The following SLC36A2 variants were observed in gnomAD, a reference collection of about 807,000 sequenced individuals.
SLC36A2 encodes the protein proton-coupled amino acid transporter 2.
In SLC36A2, 39 loss-of-function variants were observed where a neutral mutation model predicts 42.7. The ratio of observed to expected loss-of-function variants is 0.91; its 90% confidence interval spans 0.71 to 1.19. The LOEUF is 1.19. SLC36A2 is among the 50% of genes most tolerant of loss of function. The pLI, the probability that SLC36A2 is intolerant of heterozygous loss-of-function variation, is 0.00. For missense variants in SLC36A2, 590 were observed against 613.7 expected, an observed-to-expected ratio of 0.96 and a Z score of 0.41; for synonymous variants, 237 against 240.8, an observed-to-expected ratio of 0.98 and a Z score of 0.15.
At chr5:151,328,364 G>C (rs1034951978) in intron 7 of SLC36A2, among the ~76,000 whole-genome samples, 2 of 152,210 alleles carry the variant, frequency 1.3e-5, no homozygotes, top group African/African-American at 4.8e-5. Flanking sequence ...TGAGTTTCCT[G>C]ATTTTCTTCT....
At chr5:151,339,664 G>A (rs2127296876) in intron 4 of SLC36A2, among the ~76,000 whole-genome samples, 1 of 152,338 alleles carries the variant, frequency 6.6e-6, no homozygotes, top group South Asian at 2.1e-4. Context: ...TCTCAGCTCA[G>A]CAAGTGGTAA....
chr5:151,317,470 AT>A (rs1232978877), intron 9 of SLC36A2, among the ~76,000 whole-genome samples: 1 of 151,118 alleles, frequency 6.6e-6, no homozygotes, highest in African/African-American at 2.5e-5. Flanking sequence ...AAAAAAAAAA[AT>A]CCTCTTCTTA....
intron 8 of SLC36A2, 112 bp from the exon 9 acceptor site, chr5:151,322,327 T>C: frequency 1.5e-6 from 2 of 1,297,240 alleles, no homozygotes; most frequent in Non-Finnish European, 2.2e-6. Flanking sequence ...TGTTTCCCTT[T>C]CTGAAAATGA....
chr5:151,336,904 A>C (rs144504521), intron 5 of SLC36A2, among the ~76,000 whole-genome samples: 48 of 152,268 alleles, frequency 3.2e-4, no homozygotes, highest in African/African-American at 8.9e-4. Context: ...CTTGGAGGAT[A>C]CTCATCTATA....
chr5:151,317,413 C>T (rs1040110020), intron 9 of SLC36A2, among the ~76,000 whole-genome samples: 14 of 149,808 alleles, frequency 9.3e-5, no homozygotes, highest in African/African-American at 3.2e-4. Flanking sequence ...GATCACGCCA[C>T]TGCACTCCAG....
chr5:151,315,961 C>G lies in SLC36A2; in HGVS notation c.*856G>C, dbSNP rs949659369. On this transcript the variant is annotated 3_prime_UTR_variant, in exon 10 of 10. Transcript: ENST00000335244. The stretch of plus-strand genomic sequence containing the variant: ...TCTAATCGTTTGAAATGTTTGTTGC[C>G]CCTCATTTAATATGCATGGCTCCTT... 2.0e-5 allele frequency: 3 copies of G among 152,108 alleles called. No homozygotes were observed. The highest frequency in any genetic ancestry group is 7.2e-5 in the African/African-American group (3 of 41,384). The allele number at this position is 152,108 out of a possible 1,614,324, so 9.4% of individuals were successfully genotyped here.
At chr5:151,345,321 A>C (rs1175219195) in intron 1 of SLC36A2, among the ~76,000 whole-genome samples, 1 of 152,184 alleles carries the variant, frequency 6.6e-6, no homozygotes, top group African/African-American at 2.4e-5. Context: ...GGATTTGACA[A>C]ACCAGGGATT....
At chr5:151,323,254 G>GATAGATAAATAA (rs112317176) in intron 8 of SLC36A2, among the ~76,000 whole-genome samples, 36 of 141,478 alleles carry the variant, frequency 2.5e-4, no homozygotes, top group Non-Finnish European at 3.6e-4. Context: ...TAGATAGATA[G>GATAGATAAATAA]ATAAATAAAT....
rs756750299 is a variant in SLC36A2, at chr5:151,322,136, T to A, written c.1090A>T (p.Ile364Phe). Residue 364 changes from isoleucine (I) to phenylalanine (F), a missense_variant, in exon 9 of 10, where the codon ATC becomes TTC. Transcript: ENST00000335244. ...CGGGAGATGGCAAAGGGGATGATGA[T>A]TTCTGCAGGGACGTAGAACTGCAGG... ...YALQFYVPAE[I>F]IIPFAISRVS... is the part of the protein sequence containing the mutation. 5.0e-6 allele frequency: 8 copies of A among 1,614,034 alleles called. No homozygotes were observed. The highest frequency in any genetic ancestry group is 4.2e-6 in the Non-Finnish European group (5 of 1,180,032).
chr5:151,325,053 T>C (rs1755812152), intron 8 of SLC36A2: 4 of 584,326 alleles, frequency 6.8e-6, no homozygotes, highest in South Asian at 5.5e-5. Context: ...TCTTCTTAAG[T>C]CATGTCCTCC....
chr5:151,338,782 C>T (rs1019626602), intron 5 of SLC36A2: 1 of 328,974 alleles, frequency 3.0e-6, no homozygotes. Flanking sequence ...AGCTTCAAGG[C>T]AGGAGGATTA....
At chr5:151,343,039 T>C (rs1756392373) in intron 3 of SLC36A2, 56 bp from the exon 4 acceptor site, 14 of 1,402,834 alleles carry the variant, frequency 1.0e-5, no homozygotes, top group Non-Finnish European at 1.3e-5. Context: ...TAAACTCACA[T>C]GGTCAAAAGT....
chr5:151,319,229 G>T (rs1287387816), intron 9 of SLC36A2: 2 of 566,518 alleles, frequency 3.5e-6, no homozygotes, highest in Admixed American at 1.3e-4. Flanking sequence ...AATGCATGAA[G>T]AAGTGTAGTG....
Position 151,339,137 on chromosome 5 carries a change from C to T in SLC36A2, c.448G>A (p.Val150Met), listed in dbSNP as rs766388628. 2.1e-5 allele frequency: 34 copies of T among 1,606,048 alleles called. No homozygotes were observed. The highest frequency in any genetic ancestry group is 1.7e-4 in the Middle Eastern group (1 of 6,046). The change falls in exon 5 of 10, where the codon GTG becomes ATG. Residue 150 changes from valine to methionine, a missense_variant. Val to Met is a conservative substitution (Grantham distance 21). Coordinates refer to ENST00000335244, the MANE Select transcript of SLC36A2 (RefSeq NM_181776.3). ...TGGGTGATAATAAGGAAGAAGCTCA[C>T]GATATGCCTAGAAGGGAGAAGAGAG... ...QNHAHWGRHIVSFFLIITQLG... is the reference protein window; with the variant it reads ...QNHAHWGRHIMSFFLIITQLG...
At chr5:151,317,135 A>C (rs1457426340) in intron 9 of SLC36A2, 47 bp from the exon 10 acceptor site, 1 of 1,600,416 alleles carries the variant, frequency 6.2e-7, no homozygotes, top group East Asian at 2.2e-5. Flanking sequence ...AGGCTTAGCC[A>C]AGCTTTGAAA....
At chr5:151,338,518 A>T (rs1020310085) in intron 5 of SLC36A2, 2 of 153,098 alleles carry the variant, frequency 1.3e-5, no homozygotes, top group African/African-American at 4.9e-5. Context: ...TACAAATAAT[A>T]AAAAAAAATT....
At chr5:151,337,533 A>T (rs1002054972) in intron 5 of SLC36A2, among the ~76,000 whole-genome samples, 4 of 152,244 alleles carry the variant, frequency 2.6e-5, no homozygotes, top group Non-Finnish European at 5.9e-5. Flanking sequence ...TGATAAATAA[A>T]TGCAGGTAAC....
At chr5:151,317,336 C>T (rs1349566676) in intron 9 of SLC36A2, among the ~76,000 whole-genome samples, 1 of 151,850 alleles carries the variant, frequency 6.6e-6, no homozygotes, top group Non-Finnish European at 1.5e-5. Context: ...CCTATAATCT[C>T]AGCTACTCAG....
At position 151,333,211 on chromosome 5, in the gene SLC36A2, A is replaced by T. The variant is rs1401760648; in HGVS notation, c.843+13T>A. The T allele has an allele frequency of 2.5e-6, 4 of 1,611,600 alleles. No individual in the cohort carries two copies. Among genetic ancestry groups the T allele is most frequent in the South Asian group, 1.1e-5 (1 of 91,038 alleles). ...AAGCACTAGGGATAAGGCCACCTCA[A>T]TTCAAACCTTACCACACCAATGCTT... is the stretch of plus-strand genomic sequence containing the variant. On this transcript the variant is annotated intron_variant, in intron 7 of 9. Transcript: ENST00000335244.
Sources: allele counts gnomAD v4.1 joint callset (sites outside exome capture counted in the v4.1 genomes callset), GRCh38; gene constraint gnomAD v4.1.1; transcripts MANE v1.5; gene names NCBI Gene and HGNC (gene_info 2026-07-23, HGNC 2026-07-21).